Variants in ERN2 observed in about 807,000 individuals in gnomAD.
The protein encoded by ERN2 is endoplasmic reticulum to nucleus signaling 2.
ERN2 carries 111 observed loss-of-function variants against 107.9 expected under a neutral mutation model. That is an observed-to-expected ratio of 1.03 (90% CI 0.88 to 1.20). ERN2 has a LOEUF of 1.20. Among genes scored for constraint, ERN2 ranks in the 50% most tolerant of loss-of-function variants. The pLI is 0.00. For missense variants in ERN2, 1,225 were observed against 1,197.9 expected (o/e 1.02, Z -0.33); for synonymous variants, 524 against 501.7 (o/e 1.04, Z -0.59).
rs745417034 is a variant in ERN2, at chr16:23,702,411, G to A, written c.1060C>T (p.Pro354Ser). 1 of 1,613,634 alleles carries A rather than the reference G, an allele frequency of 6.2e-7. No individual in the cohort carries two copies. The highest frequency in any genetic ancestry group is 8.5e-7 in the Non-Finnish European group (1 of 1,179,932). ...TCACCAATGAGCAGCCACTGGCTTGGGAGGGCCACACTGCCTGAGGGGTAT... is the reference window on the plus strand; with the variant it reads ...TCACCAATGAGCAGCCACTGGCTTGAGAGGGCCACACTGCCTGAGGGGTAT... ...VRYPSGSVALPSQWLLIGHHE... is the reference protein window; with the variant it reads ...VRYPSGSVALSSQWLLIGHHE... The change falls in exon 10 of 22, where the codon CCA becomes TCA. Residue 354 changes from proline (P) to serine (S), a missense_variant. Coordinates refer to ENST00000256797, the MANE Select transcript of ERN2 (RefSeq NM_033266.4).
Position 23,691,406 on chromosome 16 carries a change from TCCAG to T in ERN2, c.2392_2395del (p.Leu798ArgfsTer10). On this transcript the variant is annotated frameshift_variant, in exon 20 of 22. Transcript: ENST00000256797. LOFTEE classifies it high-confidence loss of function. Reference sequence around the variant, plus strand: ...CAGGGGCTCCTGCTCGGACTCCTTCTCCAGCCAGTCACTGACGTCCTGGGGCCCA... The same window carrying T: ...CAGGGGCTCCTGCTCGGACTCCTTCTCCAGTCACTGACGTCCTGGGGCCCA... 1 of 1,598,136 alleles carries T rather than the reference TCCAG, an allele frequency of 6.3e-7. No homozygotes were observed. The highest frequency in any genetic ancestry group is 2.2e-5 in the East Asian group (1 of 44,806).
At position 23,707,096 on chromosome 16, in the gene ERN2, T is replaced by C. The variant is rs984916652; in HGVS notation, c.307-17A>G. 6 of 1,601,516 alleles carry C rather than the reference T, an allele frequency of 3.7e-6. No homozygotes were observed. Among genetic ancestry groups the C allele is most frequent in the Middle Eastern group, 1.6e-4 (1 of 6,062 alleles). ...TGGCAGTTTCTAGGAGACGGAAAATTTACAGGAAGGAGTAAGAGCAGCAAC... is the reference window on the plus strand; with the variant it reads ...TGGCAGTTTCTAGGAGACGGAAAATCTACAGGAAGGAGTAAGAGCAGCAAC... On this transcript the variant is annotated splice_polypyrimidine_tract_variant and intron_variant, in intron 4 of 21. Coordinates refer to ENST00000256797, the MANE Select transcript of ERN2 (RefSeq NM_033266.4).
chr16:23,700,545 G>A lies in ERN2; in HGVS notation c.1519C>T (p.Pro507Ser). ...PSKQAQPLDD[P>S]EAEQLTVVGK... ...CTTGTTCACACAGGCTCACCTTCAG[G>A]GTCGTCGAGTGGCTGGGCTTGCTTT... is the stretch of plus-strand genomic sequence containing the variant. The change falls in exon 13 of 22, where the codon CCT becomes TCT. Residue 507 changes from proline to serine, a missense_variant. Transcript: ENST00000256797. The A allele has an allele frequency of 3.1e-6, 5 of 1,611,970 alleles. No individual in the cohort carries two copies. The Middle Eastern group carries it at 6.6e-4, about 213-fold the overall frequency.
rs115551684 is a variant in ERN2, at chr16:23,691,440, G to A, written c.2377-15C>T. 0.033 allele frequency: 52,103 copies of A among 1,596,614 alleles called. 981 individuals are homozygous for A. The highest frequency in any genetic ancestry group is 0.064 in the Middle Eastern group (387 of 6,056). ...TCACTGACGTCCTGGGGCCCAGAGA[G>A]CTCCTGAGCCTTGTGACCGGGGCCA... On this transcript the variant is annotated splice_polypyrimidine_tract_variant and intron_variant, in intron 19 of 21. Transcript: ENST00000256797.
At chr16:23,701,209 A>G (rs1484045085) in intron 11 of ERN2, 95 bp from the exon 12 acceptor site, 10 of 1,296,424 alleles carry the variant, frequency 7.7e-6, no homozygotes, top group African/African-American at 1.5e-5. Context: ...GCTTAGCTGA[A>G]GGGGCAGTGA....
chr16:23,691,820 G>T, intron 19 of ERN2, 143 bp downstream of exon 19: 1 of 1,180,500 alleles, frequency 8.5e-7, no homozygotes. Context: ...GTCCAGGCTG[G>T]CTCCCAGTTT....
In ERN2 at chr16:23,690,349, T is replaced by G. The variant is rs984036530; in HGVS notation, c.*482A>C. Reference sequence around the variant, plus strand: ...GTCCTTTCCTTGGCTTTATGCACATTAAACAGATGTGAATATTCTTTTTCT... The same window carrying G: ...GTCCTTTCCTTGGCTTTATGCACATGAAACAGATGTGAATATTCTTTTTCT... On this transcript the variant is annotated 3_prime_UTR_variant, in exon 22 of 22. Transcript: ENST00000256797. 1.1e-5 allele frequency: 6 copies of G among 541,796 alleles called. No individual in the cohort carries two copies. The Admixed American group carries it at 1.3e-4, about 11-fold the overall frequency. 33.6% of individuals were successfully genotyped at this position (541,796 alleles called of 1,614,324 possible).
At chr16:23,705,486 T>C (rs1221823744) in intron 7 of ERN2, among the ~76,000 whole-genome samples, 3 of 151,360 alleles carry the variant, frequency 2.0e-5, no homozygotes, top group Non-Finnish European at 4.4e-5. Flanking sequence ...GAGGGGTCAG[T>C]TGGGGCGAGT....
At chr16:23,697,356 G>T (rs980847425) in intron 13 of ERN2, 5 of 152,180 alleles carry the variant, frequency 3.3e-5, no homozygotes, top group African/African-American at 9.7e-5. Context: ...GAGTAGATGG[G>T]CTCAGGCAGG....
chr16:23,697,869 G>A (rs1350704215), intron 13 of ERN2, among the ~76,000 whole-genome samples: 16 of 152,016 alleles, frequency 1.1e-4, no homozygotes, highest in Non-Finnish European at 2.4e-4. Flanking sequence ...CAATCCTCCT[G>A]CCTCAGCCCC....
intron 17 of ERN2, 97 bp downstream of exon 17, chr16:23,694,631 G>C (rs886310359): frequency 1.7e-4 from 167 of 998,712 alleles, no homozygotes; most frequent in Non-Finnish European, 2.2e-4. Flanking sequence ...CACACAGCAA[G>C]TGTCATGGAG....
chr16:23,692,927 C>T (rs1959657555), intron 17 of ERN2, among the ~76,000 whole-genome samples: 1 of 151,958 alleles, frequency 6.6e-6, no homozygotes, highest in Admixed American at 6.6e-5. Flanking sequence ...TTATGTTACC[C>T]AGCCCGATCT....
At chr16:23,705,922 T>A (rs1960286471) in intron 7 of ERN2, among the ~76,000 whole-genome samples, 1 of 151,804 alleles carries the variant, frequency 6.6e-6, no homozygotes, top group African/African-American at 2.4e-5. Flanking sequence ...TCACAAAAAA[T>A]GGTGGGGAGT....
At chr16:23,709,723 C>A (rs112996313) in intron 4 of ERN2, 31 of 179,100 alleles carry the variant, frequency 1.7e-4, no homozygotes, top group African/African-American at 6.9e-4. Flanking sequence ...ATCCAGTTGA[C>A]TAGCAGCTGA....
Position 23,695,364 on chromosome 16 carries a change from C to A in ERN2, c.1636G>T (p.Ala546Ser), listed in dbSNP as rs1451102126. ...FRGQFEGRAV[A>S]VKRLLRECFG... ...CACTCGCGGAGGAGCCGCTTGACAG[C>A]CACTGCCCGTCCCTCAAACTGTCCC... The change falls in exon 15 of 22, where the codon GCT becomes TCT. Residue 546 changes from alanine (A) to serine (S), a missense_variant. Coordinates refer to ENST00000256797, the MANE Select transcript of ERN2 (RefSeq NM_033266.4). The A allele has an allele frequency of 1.2e-6, 2 of 1,603,190 alleles. No homozygotes were observed. The highest frequency in any genetic ancestry group is 8.5e-7 in the Non-Finnish European group (1 of 1,174,826).
chr16:23,691,831 A>C, intron 19 of ERN2, 132 bp downstream of exon 19: 1 of 1,278,218 alleles, frequency 7.8e-7, no homozygotes, highest in Admixed American at 2.3e-5. Flanking sequence ...CTCCCAGTTT[A>C]GGGAAAGAGC....
intron 17 of ERN2, among the ~76,000 whole-genome samples, chr16:23,693,901 C>T (rs906279517): frequency 2.6e-5 from 4 of 152,174 alleles, no homozygotes; most frequent in Admixed American, 6.6e-5. Context: ...CCAAAACCTT[C>T]GATACCAGTG....
Position 23,691,113 on chromosome 16 carries a change from A to T in ERN2, c.2568+16T>A. On this transcript the variant is annotated intron_variant, in intron 21 of 21. Transcript: ENST00000256797. ...GCCTTCCCAAGACCCAGGCCCACCC[A>T]GGCCCCAACACATACCTTGTTCCTC... 1 of 1,612,504 alleles carries T rather than the reference A, an allele frequency of 6.2e-7. No individual in the cohort carries two copies. The highest frequency in any genetic ancestry group is 8.5e-7 in the Non-Finnish European group (1 of 1,178,724).
chr16:23,712,917 T>C (rs1960599206), intron 1 of ERN2, 178 bp downstream of exon 1: 1 of 546,354 alleles, frequency 1.8e-6, no homozygotes, highest in Admixed American at 3.8e-5. Context: ...TGGGGGCAAC[T>C]GGCGGCTCCC....
Sources: gnomAD v4.1 joint callset for allele counts (sites outside exome capture counted in the v4.1 genomes callset) on GRCh38, gnomAD v4.1.1 for gene constraint, MANE v1.5 for transcripts, NCBI Gene and HGNC (gene_info 2026-07-23, HGNC 2026-07-21) for gene names.